BBS9: variants seen among roughly 807,000 people sequenced by gnomAD.
BBS9 encodes the protein Bardet-Biedl syndrome 9, also known as protein PTHB1.
In BBS9, 89 loss-of-function variants were observed where a neutral mutation model predicts 117.7. The ratio of observed to expected loss-of-function variants is 0.76; its 90% CI spans 0.64 to 0.90. BBS9 has a LOEUF of 0.90. Among genes scored for constraint, BBS9 ranks in the 40% least tolerant of loss-of-function variants. The pLI, the probability that BBS9 is intolerant of heterozygous loss-of-function variation, is 0.00. For missense variants in BBS9, 982 were observed against 1,042.2 expected, an observed-to-expected ratio of 0.94 and a Z score of 0.80; for synonymous variants, 379 against 370.9, an observed-to-expected ratio of 1.02 and a Z score of -0.25.
intron 19 of BBS9, among the ~76,000 whole-genome samples, chr7:33,399,213 CT>C (rs2128785113): frequency 6.6e-6 from 1 of 152,010 alleles, no homozygotes; most frequent in African/African-American, 2.4e-5. Flanking sequence ...CTTGTGATGT[CT>C]TTTTTCTTTA....
rs766946553 is a variant in BBS9, at chr7:33,505,517, T to G, written c.2170T>G (p.Phe724Val). 1 of 1,614,060 alleles carries G rather than the reference T, an allele frequency of 6.2e-7. No individual in the cohort carries two copies. Among genetic ancestry groups the G allele is most frequent in the Non-Finnish European group, 8.5e-7 (1 of 1,179,986 alleles). ...AAACCAAGGCAATCTGTTCCAGTCA[T>G]TCACCAGGCTGAAGAGTGCCACCCA... ...EENQGNLFQS[F>V]TRLKSATHLV... Residue 724 changes from phenylalanine to valine, a missense_variant, in exon 20 of 23, where the codon TTC becomes GTC. By Grantham distance (50) the Phe-to-Val change is conservative (BLOSUM62 -1). Transcript: ENST00000242067.
At chr7:33,153,738 G>A (rs1468329219) in intron 3 of BBS9, among the ~76,000 whole-genome samples, 5 of 152,198 alleles carry the variant, frequency 3.3e-5, no homozygotes, top group East Asian at 1.9e-4. Context: ...TTGGGAAGCT[G>A]TAGCTTAGAT....
intron 9 of BBS9, among the ~76,000 whole-genome samples, chr7:33,324,374 T>C (rs150896512): frequency 6.6e-6 from 1 of 152,326 alleles, no homozygotes; most frequent in East Asian, 1.9e-4. Context: ...GTTAACTTTG[T>C]CCCTCTGCTT....
intron 17 of BBS9, among the ~76,000 whole-genome samples, chr7:33,372,339 T>C (rs1433738219): frequency 6.6e-6 from 1 of 152,188 alleles, no homozygotes; most frequent in African/African-American, 2.4e-5. Flanking sequence ...ACCTAATTTA[T>C]TGAGTTTTTT....
intron 9 of BBS9, among the ~76,000 whole-genome samples, chr7:33,323,930 C>T (rs538932109): frequency 4.7e-5 from 7 of 149,458 alleles, no homozygotes; most frequent in South Asian, 2.1e-4. Flanking sequence ...CTCTGCCTCA[C>T]GGGTTCAAGC....
intron 9 of BBS9, 54 bp downstream of exon 9, chr7:33,274,010 T>G: frequency 5.7e-6 from 9 of 1,576,622 alleles, no homozygotes; most frequent in Non-Finnish European, 7.0e-6. Flanking sequence ...CAAGAAATTT[T>G]CTAGAAGTTC....
chr7:33,256,671 G>C (rs913076775), intron 5 of BBS9, among the ~76,000 whole-genome samples: 1 of 152,078 alleles, frequency 6.6e-6, no homozygotes, highest in African/African-American at 2.4e-5. Flanking sequence ...AGGTAATAAA[G>C]AATAGTTACT....
At chr7:33,382,614 A>G (rs1825282775) in intron 17 of BBS9, among the ~76,000 whole-genome samples, 1 of 152,194 alleles carries the variant, frequency 6.6e-6, no homozygotes, top group Non-Finnish European at 1.5e-5. Flanking sequence ...ACACAATGTT[A>G]TGAGGCAGTT....
At chr7:33,303,183 T>C (rs1399467353) in intron 9 of BBS9, among the ~76,000 whole-genome samples, 1 of 152,232 alleles carries the variant, frequency 6.6e-6, no homozygotes, top group Non-Finnish European at 1.5e-5. Flanking sequence ...CAGGTTTTTC[T>C]GAATATAAGA....
chr7:33,204,652 C>G (rs1250622336), intron 5 of BBS9, among the ~76,000 whole-genome samples: 2 of 152,182 alleles, frequency 1.3e-5, no homozygotes, highest in Middle Eastern at 3.4e-3. Flanking sequence ...AGATGAGACA[C>G]GAAGTCCAAT....
At chr7:33,259,903 T>C (rs1159326930) in intron 6 of BBS9, among the ~76,000 whole-genome samples, 27 of 151,638 alleles carry the variant, frequency 1.8e-4, no homozygotes, top group African/African-American at 6.3e-4. Context: ...TTTTTTTTTT[T>C]CTCTCTAAAC....
intron 5 of BBS9, among the ~76,000 whole-genome samples, chr7:33,236,169 A>G (rs984847532): frequency 6.6e-6 from 1 of 151,934 alleles, no homozygotes; most frequent in African/African-American, 2.4e-5. Context: ...TCTACTAAAA[A>G]TACAAAATTA....
chr7:33,507,718 T>C (rs991486982), intron 20 of BBS9, among the ~76,000 whole-genome samples: 1 of 152,206 alleles, frequency 6.6e-6, no homozygotes, highest in Non-Finnish European at 1.5e-5. Flanking sequence ...AATGGTGACC[T>C]CAAAGAATAG....
chr7:33,432,275 A>ATTTT (rs554909955), intron 19 of BBS9, among the ~76,000 whole-genome samples: 12 of 141,886 alleles, frequency 8.5e-5, no homozygotes, highest in African/African-American at 2.6e-4. Flanking sequence ...TGCCCGGCTA[A>ATTTT]TTTTTTTTTT....
At chr7:33,597,386 C>G (rs1177302851) in intron 21 of BBS9, among the ~76,000 whole-genome samples, 1 of 152,072 alleles carries the variant, frequency 6.6e-6, no homozygotes, top group African/African-American at 2.4e-5. Context: ...TTTGGCAAGT[C>G]AGAACAAGGT....
intron 5 of BBS9, among the ~76,000 whole-genome samples, chr7:33,246,724 G>T (rs1169433760): frequency 1.3e-5 from 2 of 151,982 alleles, no homozygotes; most frequent in East Asian, 3.9e-4. Context: ...TGTCTGTCTT[G>T]TCTTTCTTAG....
intron 4 of BBS9, among the ~76,000 whole-genome samples, chr7:33,172,785 A>G (rs1796791349): frequency 6.6e-6 from 1 of 152,214 alleles, no homozygotes; most frequent in Non-Finnish European, 1.5e-5. Context: ...CCATATGTAC[A>G]TAGCTAAGAT....
At chr7:33,375,595 CT>C (rs11344728) in intron 17 of BBS9, among the ~76,000 whole-genome samples, 24,196 of 126,990 alleles carry the variant, frequency 0.19, 1,391 homozygotes, top group South Asian at 0.21. Context: ...TTCTTTCTTT[CT>C]TTTTTTTTTT....
intron 21 of BBS9, among the ~76,000 whole-genome samples, chr7:33,632,884 G>A (rs1865960842): frequency 6.6e-6 from 1 of 152,156 alleles, no homozygotes; most frequent in Non-Finnish European, 1.5e-5. Flanking sequence ...TGAATGAGGG[G>A]ATGGCTGGAG....
Sources: gnomAD v4.1 joint callset for allele counts (sites outside exome capture counted in the v4.1 genomes callset) on GRCh38, gnomAD v4.1.1 for gene constraint, MANE v1.5 for transcripts, NCBI Gene and HGNC (gene_info 2026-07-23, HGNC 2026-07-21) for gene names.